Variants in WDFY3 observed in about 807,000 individuals in gnomAD.
The protein encoded by WDFY3 is WD repeat and FYVE domain containing 3.
In WDFY3, 66 loss-of-function variants were observed where a neutral mutation model predicts 409.6. The ratio of observed to expected loss-of-function variants is 0.16; its 90% CI spans 0.13 to 0.20. The LOEUF is 0.20. Ranked by LOEUF, WDFY3 falls within the 10% of genes least tolerant of loss-of-function variation. The pLI, the probability that WDFY3 is intolerant of heterozygous loss-of-function variation, is 1.00. For missense variants in WDFY3, 3,031 were observed against 4,298.1 expected (o/e 0.71, Z 8.24); for synonymous variants, 1,521 against 1,537.1 (o/e 0.99, Z 0.25).
chr4:84,749,568 T>C (rs1740130251), intron 36 of WDFY3, among the ~76,000 whole-genome samples: 1 of 152,162 alleles, frequency 6.6e-6, no homozygotes, highest in African/African-American at 2.4e-5. Context: ...CAACCTAGTT[T>C]TATTATAAGG....
intron 59 of WDFY3, 101 bp from the exon 60 acceptor site, chr4:84,691,886 C>T: frequency 8.7e-7 from 1 of 1,150,702 alleles, no homozygotes; most frequent in Non-Finnish European, 1.2e-6. Context: ...AATCAAGCAT[C>T]CTGATACCTA....
intron 56 of WDFY3, among the ~76,000 whole-genome samples, chr4:84,697,602 TATTAA>T (rs1182082970): frequency 6.6e-6 from 1 of 152,200 alleles, no homozygotes; most frequent in Non-Finnish European, 1.5e-5. Context: ...CATCAAAATA[TATTAA>T]ATTTGGCTGC....
chr4:84,753,645 C>A, intron 35 of WDFY3, 52 bp downstream of exon 35: 2 of 1,492,978 alleles, frequency 1.3e-6, no homozygotes, highest in Non-Finnish European at 1.8e-6. Context: ...CAGACTAATT[C>A]CAGTTCTGAC....
At chr4:84,860,267 A>T (rs2150201001) in intron 4 of WDFY3, 145 bp downstream of exon 4, 1 of 926,568 alleles carries the variant, frequency 1.1e-6, no homozygotes, top group East Asian at 2.6e-5. Context: ...CTTTATAGCA[A>T]ATTGAAAACA....
chr4:84,792,815 G>T (rs1469945646), intron 21 of WDFY3, among the ~76,000 whole-genome samples: 1 of 151,940 alleles, frequency 6.6e-6, no homozygotes, highest in Non-Finnish European at 1.5e-5. Flanking sequence ...CACTTTTCTC[G>T]TTGTTTCTTC....
intron 5 of WDFY3, 88 bp downstream of exon 5, chr4:84,849,812 GGT>G: frequency 6.5e-7 from 1 of 1,533,222 alleles, no homozygotes; most frequent in Non-Finnish European, 8.8e-7. Context: ...CTGAGAACAA[GGT>G]CTGTTTTCCA....
chr4:84,669,633 G>A lies in WDFY3; in HGVS notation c.*3235C>T, dbSNP rs927258405. ...TTGCATTTAATCATGTATTGTAATT[G>A]TGTTACTCTACCTTTTTGCATCAGA... is the stretch of plus-strand genomic sequence containing the variant. On this transcript the variant is annotated 3_prime_UTR_variant, in exon 68 of 68. Coordinates refer to ENST00000295888, the MANE Select transcript of WDFY3 (RefSeq NM_014991.6). 2 of 146,798 alleles carry A rather than the reference G, an allele frequency of 1.4e-5. No individual in the cohort carries two copies. Among genetic ancestry groups the A allele is most frequent in the Non-Finnish European group, 3.0e-5 (2 of 66,668 alleles). The allele number at this position is 146,798 out of a possible 1,614,324, so 9.1% of individuals were successfully genotyped here. A position where few individuals can be genotyped will look rare whatever the true frequency, so the allele number is the denominator to read the frequency against.
chr4:84,829,140 G>A lies in WDFY3; in HGVS notation c.820C>T (p.Leu274=), dbSNP rs747431379. 2.6e-5 allele frequency: 42 copies of A among 1,612,534 alleles called. No homozygotes were observed. The South Asian group carries it at 4.3e-4, about 16-fold the overall frequency. ...ATTTCGACAATTTCTAGGGGAGACA[G>A]GTCATCTGATTGCTGCATATTCTGA... The part of the protein sequence containing the change: ...CVQNMQQSDD[L]SPLEIVEMFA... The change falls in exon 9 of 68, where the codon CTG becomes TTG. Residue 274 remains leucine (L), a synonymous_variant. Transcript: ENST00000295888.
At chr4:84,782,883 C>A in intron 25 of WDFY3, 80 bp downstream of exon 25, 3 of 1,256,590 alleles carry the variant, frequency 2.4e-6, no homozygotes, top group African/African-American at 1.5e-5. Context: ...AACTTAAATA[C>A]TGCCCCTTAA....
rs930153088 is a variant in WDFY3 at position 84,679,878 on chromosome 4, A to G, written c.9824-636T>C. 5.9e-5 allele frequency among the ~76,000 whole-genome samples: 9 copies of G among 151,600 alleles called. No homozygotes were observed. The South Asian group carries it at 6.2e-4, about 11-fold the overall frequency. ...CACACACACACACGTACGTGTGTAT[A>G]TATATATATATATGTATGTATGTAT... On this transcript the variant is annotated intron_variant, in intron 64 of 67. Transcript: ENST00000295888.
chr4:84,940,349 A>G (rs899402259), intron 1 of WDFY3, among the ~76,000 whole-genome samples: 1 of 152,136 alleles, frequency 6.6e-6, no homozygotes, highest in Admixed American at 6.6e-5. Context: ...TGGGGGTACA[A>G]TACTAATTTA....
At chr4:84,880,166 A>G (rs1278894575) in intron 3 of WDFY3, among the ~76,000 whole-genome samples, 1 of 152,196 alleles carries the variant, frequency 6.6e-6, no homozygotes, top group Non-Finnish European at 1.5e-5. Flanking sequence ...TGATATGGAC[A>G]TCAGCCAGGA....
rs1195655488 is a variant in WDFY3, at chr4:84,937,873, G to A, written c.-225-5510C>T. On this transcript the variant is annotated intron_variant, in intron 1 of 67. Coordinates refer to ENST00000295888, the MANE Select transcript of WDFY3 (RefSeq NM_014991.6). ...TATGCTTTTCCAAGAGATGATTACA[G>A]TAGACCCTTCCTTATCTGTGTGGGT... Among the ~76,000 whole-genome samples, 3 of 152,180 alleles carry A rather than the reference G, an allele frequency of 2.0e-5. No homozygotes were observed. In the East Asian group the frequency reaches 5.8e-4, roughly 29 times the overall value.
chr4:84,672,756 C>A lies in WDFY3; in HGVS notation c.*112G>T. 7.0e-7 allele frequency: 1 copy of A among 1,434,004 alleles called. No individual in the cohort carries two copies. The highest frequency in any genetic ancestry group is 9.4e-7 in the Non-Finnish European group (1 of 1,058,280). 88.8% of individuals were successfully genotyped at this position (1,434,004 alleles called of 1,614,324 possible). On this transcript the variant is annotated 3_prime_UTR_variant, in exon 68 of 68. Transcript: ENST00000295888. ...CCTTTGAATTTTAACACTTCAAACA[C>A]GTGGTATGAAGAGATGTGTAAACGG...
rs1746004444 is a variant in WDFY3 at position 84,778,777 on chromosome 4, A to AG, written c.4366-123dup. The AG allele has an allele frequency of 7.0e-6, 6 of 860,792 alleles. No homozygotes were observed. In the Admixed American group the frequency reaches 1.4e-4, roughly 19 times the overall value. 53.3% of individuals were successfully genotyped at this position (860,792 alleles called of 1,614,324 possible). A position where few individuals can be genotyped will look rare whatever the true frequency, so the allele number is the denominator to read the frequency against. ...CACACACAAACACACACATACACAC[A>AG]GAATCCTATGTAGATGATTTTCTGA... On this transcript the variant is annotated intron_variant, in intron 26 of 67. Transcript: ENST00000295888.
chr4:84,827,172 C>T (rs1754985725), intron 9 of WDFY3, among the ~76,000 whole-genome samples, 191 bp from the exon 10 acceptor site: 1 of 150,102 alleles, frequency 6.7e-6, no homozygotes, highest in Non-Finnish European at 1.5e-5. Context: ...AAATGGGTTG[C>T]AACAAATACC....
intron 3 of WDFY3, among the ~76,000 whole-genome samples, chr4:84,896,424 T>C (rs1435424226): frequency 6.6e-6 from 1 of 152,064 alleles, no homozygotes; most frequent in African/African-American, 2.4e-5. Flanking sequence ...TCAAGGAATG[T>C]GAGGTTGTTT....
chr4:84,904,797 TTTAA>T (rs1294072614), intron 2 of WDFY3, among the ~76,000 whole-genome samples: 1 of 152,222 alleles, frequency 6.6e-6, no homozygotes, highest in East Asian at 1.9e-4. Flanking sequence ...TTCAAGATTG[TTTAA>T]TTGATTGCCA....
Position 84,803,342 on chromosome 4 carries a change from A to G in WDFY3, c.2555T>C (p.Met852Thr), listed in dbSNP as rs762165665. ...SDAVIIHPGA[M>T]LAMLDLLASV... is the part of the protein sequence containing the mutation. ...GGCCAGTAGGTCCAGCATGGCAAGC[A>G]TGGCTCCAGGATGAATGATGACTGC... Residue 852 changes from methionine (M) to threonine (T), a missense_variant, in exon 16 of 68, where the codon ATG (methionine) becomes ACG (threonine). Transcript: ENST00000295888. 1.5e-5 allele frequency: 25 copies of G among 1,613,920 alleles called. No individual in the cohort carries two copies.
Sources: gnomAD v4.1 joint callset for allele counts (sites outside exome capture counted in the v4.1 genomes callset) on GRCh38, gnomAD v4.1.1 for gene constraint, MANE v1.5 for transcripts, NCBI Gene and HGNC (gene_info 2026-07-23, HGNC 2026-07-21) for gene names.